ADCYAP1: variants seen among roughly 807,000 people sequenced by gnomAD.
The protein encoded by ADCYAP1 is adenylate cyclase activating polypeptide 1, also known as pituitary adenylate cyclase-activating polypeptide.
ADCYAP1 carries 6 observed loss-of-function variants against 18.5 expected under a neutral mutation model. The observed-to-expected ratio is 0.32, with a 90% confidence interval of 0.18 to 0.64. The LOEUF is 0.64. Ranked by LOEUF, ADCYAP1 falls within the 30% of genes least tolerant of loss-of-function variation. The pLI, the probability that ADCYAP1 is intolerant of heterozygous loss-of-function variation, is 0.77. For synonymous variants in ADCYAP1, 136 were observed against 113.9 expected, an observed-to-expected ratio of 1.19 and a Z score of -1.24; for missense variants, 314 against 253.6, an observed-to-expected ratio of 1.24 and a Z score of -1.62.
rs2143116382 is a variant in ADCYAP1, at chr18:907,757, C to A, written c.209C>A (p.Ala70Asp). The change falls in exon 3 of 5, where the codon GCC becomes GAC. Residue 70 changes from alanine (A) to aspartate (D), a missense_variant. Transcript: ENST00000450565. The stretch of plus-strand genomic sequence containing the variant: ...GGGAGCCCCGCCTCCGCGCCGCGCG[C>A]CGCCGCCGCCTGGTACCGCCCGGCC... ...GAGSPASAPR[A>D]AAAWYRPAGR... 1 of 1,494,946 alleles carries A rather than the reference C, an allele frequency of 6.7e-7. No individual in the cohort carries two copies. Among genetic ancestry groups the A allele is most frequent in the East Asian group, 2.6e-5 (1 of 37,912 alleles). 92.6% of individuals were successfully genotyped at this position (1,494,946 alleles called of 1,614,324 possible). A position where few individuals can be genotyped will look rare whatever the true frequency, so the allele number is the denominator to read the frequency against.
At position 911,748 on chromosome 18, in the gene ADCYAP1, C is replaced by T. The variant is rs1909396898; in HGVS notation, c.*2113C>T. Reference sequence around the variant, plus strand: ...CGAATCACAGATGGCTATTTAGTGGCCCTACAATGCTGCAACACATCAGCT... The same window carrying T: ...CGAATCACAGATGGCTATTTAGTGGTCCTACAATGCTGCAACACATCAGCT... On this transcript the variant is annotated 3_prime_UTR_variant, in exon 5 of 5. Transcript: ENST00000450565. 2 of 152,178 alleles carry T rather than the reference C, an allele frequency of 1.3e-5. No homozygotes were observed. Among genetic ancestry groups the T allele is most frequent in the Admixed American group, 1.3e-4 (2 of 15,272 alleles). The allele number at this position is 152,178 out of a possible 1,614,324, so 9.4% of individuals were successfully genotyped here.
chr18:904,799 C>T (rs2143098167), upstream of ADCYAP1: 13 of 1,281,252 alleles, frequency 1.0e-5, no homozygotes, highest in Non-Finnish European at 1.3e-5. Flanking sequence ...CTTTCTTCTG[C>T]CTCTCTCTCT....
chr18:909,060 C>T (rs1031296587), intron 4 of ADCYAP1, among the ~76,000 whole-genome samples: 3 of 152,196 alleles, frequency 2.0e-5, no homozygotes, highest in Admixed American at 2.0e-4. Context: ...ATATGTAGGG[C>T]TCTCCGGTTA....
At chr18:906,432 G>A in intron 2 of ADCYAP1, 1 of 152,384 alleles carries the variant, frequency 6.6e-6, no homozygotes, top group East Asian at 1.9e-4. Flanking sequence ...CCCCGCCCAG[G>A]AACATTAGCT....
At chr18:904,672 T>C, upstream of ADCYAP1, 1 of 1,221,126 alleles carries the variant, frequency 8.2e-7, no homozygotes, top group Non-Finnish European at 1.0e-6. Context: ...GCCCTCTCCC[T>C]TGCCTTCCTC....
At chr18:908,180 G>A (rs889768084) in intron 3 of ADCYAP1, 85 bp from the exon 4 acceptor site, 1 of 1,252,140 alleles carries the variant, frequency 8.0e-7, no homozygotes, top group Non-Finnish European at 1.1e-6. Context: ...GCCGCCGAGG[G>A]GGCGCGCGCC....
rs1379821012 is a variant in ADCYAP1, at chr18:907,687, G to A, written c.139G>A (p.Gly47Arg). The A allele has an allele frequency of 6.4e-7, 1 of 1,573,016 alleles. No homozygotes were observed. The highest frequency in any genetic ancestry group is 8.6e-7 in the Non-Finnish European group (1 of 1,167,946). The change falls in exon 3 of 5, where the codon GGA becomes AGA. Residue 47 changes from glycine (G) to arginine (R), a missense_variant. By Grantham distance (125) the Gly-to-Arg change is moderately radical. Coordinates refer to ENST00000450565, the MANE Select transcript of ADCYAP1 (RefSeq NM_001099733.2). The stretch of plus-strand genomic sequence containing the variant: ...AGAGGAAGAGGCGTACGGCGAGGAC[G>A]GAAACCCGCTGCCAGACTTCGATGG... ...RPEEEAYGEDGNPLPDFDGSE... is the reference protein window; with the variant it reads ...RPEEEAYGEDRNPLPDFDGSE...
upstream of ADCYAP1, chr18:904,622 T>C: frequency 8.0e-7 from 1 of 1,249,436 alleles, no homozygotes; most frequent in Non-Finnish European, 1.0e-6. Flanking sequence ...CCCTCGCGGC[T>C]GCCTGGCCCG....
Position 911,064 on chromosome 18 carries a change from T to TCATATAGACATATTAGAATACATATTACA in ADCYAP1, c.*1434_*1435insAGACATATTAGAATACATATTACACATAT, listed in dbSNP as rs1909370547. The TCATATAGACATATTAGAATACATATTACA allele has an allele frequency of 6.6e-6, 1 of 152,210 alleles. No individual in the cohort carries two copies. The highest frequency in any genetic ancestry group is 1.5e-5 in the Non-Finnish European group (1 of 68,024). 9.4% of individuals were successfully genotyped at this position (152,210 alleles called of 1,614,324 possible). On this transcript the variant is annotated 3_prime_UTR_variant, in exon 5 of 5. Coordinates refer to ENST00000450565, the MANE Select transcript of ADCYAP1 (RefSeq NM_001099733.2). ...ATTTATTTCATAAAACCAACCTTTG[T>TCATATAGACATATTAGAATACATATTACA]CATATTAGAATGTGTAGTGTTCACA... is the stretch of plus-strand genomic sequence containing the variant.
chr18:908,293 G>A lies in ADCYAP1; in HGVS notation c.271G>A (p.Ala91Thr). ...TGTCGCCCACGGGATCCTTAACGAG[G>A]CCTACCGCAAAGTGCTGGACCAGCT... ...RDVAHGILNE[A>T]YRKVLDQLSA... The change falls in exon 4 of 5, where the codon GCC (alanine) becomes ACC (threonine). Residue 91 changes from alanine (A) to threonine (T), a missense_variant. Physicochemically the swap from Ala to Thr is moderately conservative, Grantham distance 58. Transcript: ENST00000450565. 6.2e-7 allele frequency: 1 copy of A among 1,612,962 alleles called. No individual in the cohort carries two copies. The highest frequency in any genetic ancestry group is 1.1e-5 in the South Asian group (1 of 90,834).
intron 2 of ADCYAP1, 182 bp from the exon 3 acceptor site, chr18:907,477 G>A (rs1412179997): frequency 5.0e-6 from 3 of 600,864 alleles, no homozygotes; most frequent in Non-Finnish European, 8.0e-6. Flanking sequence ...GGGTAGGAGT[G>A]GTTGGGTGTC....
intron 3 of ADCYAP1, 106 bp from the exon 4 acceptor site, chr18:908,159 C>T: frequency 2.0e-6 from 2 of 996,706 alleles, no homozygotes; most frequent in Non-Finnish European, 1.5e-6. Context: ...GTTTCCCTGT[C>T]AGCCTCCCCG....
At chr18:905,730 G>A (rs1183896836) in intron 2 of ADCYAP1, 3 of 558,296 alleles carry the variant, frequency 5.4e-6, no homozygotes, top group Non-Finnish European at 9.4e-6. Flanking sequence ...CAGGGTCCCG[G>A]GTAGAGCCAG....
chr18:912,001 TA>T lies in ADCYAP1; in HGVS notation c.*2367del, dbSNP rs1050593546. On this transcript the variant is annotated 3_prime_UTR_variant, in exon 5 of 5. Transcript: ENST00000450565. ...ACTAAACTGAAGCAGATTTATGATA[TA>T]GTGATAATTTAGGTAGATGTTAGTC... The T allele has an allele frequency of 3.9e-5, 6 of 152,336 alleles. No individual in the cohort carries two copies. Among genetic ancestry groups the T allele is most frequent in the African/African-American group, 1.4e-4 (6 of 41,572 alleles). 9.4% of individuals were successfully genotyped at this position (152,336 alleles called of 1,614,324 possible).
At chr18:909,381 T>A in intron 4 of ADCYAP1, 65 bp from the exon 5 acceptor site, 1 of 1,508,604 alleles carries the variant, frequency 6.6e-7, no homozygotes, top group Non-Finnish European at 9.0e-7. Flanking sequence ...GCCCGCCTGC[T>A]CCCCGCGGCG....
At chr18:905,731 G>A in intron 2 of ADCYAP1, 1 of 556,494 alleles carries the variant, frequency 1.8e-6, no homozygotes, top group Non-Finnish European at 3.2e-6. Context: ...AGGGTCCCGG[G>A]TAGAGCCAGT....
rs928517655 is a variant in ADCYAP1, at chr18:910,392, T to C, written c.*757T>C. Reference sequence around the variant, plus strand: ...TGCTTCTCCCCAGAATTCACGCCTCTCCCTAGGAGAAGAGTTGAGGAACTG... The same window carrying C: ...TGCTTCTCCCCAGAATTCACGCCTCCCCCTAGGAGAAGAGTTGAGGAACTG... On this transcript the variant is annotated 3_prime_UTR_variant, in exon 5 of 5. Coordinates refer to ENST00000450565, the MANE Select transcript of ADCYAP1 (RefSeq NM_001099733.2). 11 of 152,340 alleles carry C rather than the reference T, an allele frequency of 7.2e-5. No homozygotes were observed. Among genetic ancestry groups the C allele is most frequent in the African/African-American group, 2.6e-4 (11 of 41,572 alleles). 9.4% of individuals were successfully genotyped at this position (152,340 alleles called of 1,614,324 possible). A position where few individuals can be genotyped will look rare whatever the true frequency, so the allele number is the denominator to read the frequency against.
chr18:908,176 G>A lies in ADCYAP1; in HGVS notation c.243-89G>A, dbSNP rs141381060. The A allele has an allele frequency of 6.7e-4, 818 of 1,214,860 alleles. 5 individuals carry two copies. Among genetic ancestry groups the A allele is most frequent in the South Asian group, 3.9e-3 (278 of 71,200 alleles). The allele number at this position is 1,214,860 out of a possible 1,614,324, so 75.3% of individuals were successfully genotyped here. A position where few individuals can be genotyped will look rare whatever the true frequency, so the allele number is the denominator to read the frequency against. On this transcript the variant is annotated intron_variant, in intron 3 of 4. Coordinates refer to ENST00000450565, the MANE Select transcript of ADCYAP1 (RefSeq NM_001099733.2). ...TTCCCTGTCAGCCTCCCCGGCCGCCGAGGGGGCGCGCGCCCAACAAGGGGG... is the reference window on the plus strand; with the variant it reads ...TTCCCTGTCAGCCTCCCCGGCCGCCAAGGGGGCGCGCGCCCAACAAGGGGG...
At chr18:908,210 G>C in intron 3 of ADCYAP1, 55 bp from the exon 4 acceptor site, 1 of 1,504,444 alleles carries the variant, frequency 6.6e-7, no homozygotes, top group Non-Finnish European at 9.1e-7. Flanking sequence ...GGTCTCTAGC[G>C]GCCACCTGGG....
Sources: gnomAD v4.1 joint callset for allele counts (sites outside exome capture counted in the v4.1 genomes callset) on GRCh38, gnomAD v4.1.1 for gene constraint, MANE v1.5 for transcripts, NCBI Gene and HGNC (gene_info 2026-07-23, HGNC 2026-07-21) for gene names.